The following EPS8 variants were observed in gnomAD, a reference collection of about 807,000 sequenced individuals.
EPS8 encodes the protein EGFR pathway substrate 8, signaling adaptor.
EPS8 carries 42 observed loss-of-function variants against 103.8 expected under a neutral mutation model. The ratio of observed to expected loss-of-function variants is 0.40; its 90% CI spans 0.32 to 0.52. The LOEUF (loss-of-function observed/expected upper bound fraction) is 0.52. Ranked by LOEUF, EPS8 falls within the 20% of genes least tolerant of loss-of-function variation. The pLI, the probability that EPS8 is intolerant of heterozygous loss-of-function variation, is 0.40. For missense variants in EPS8, 969 were observed against 1,005.1 expected, an observed-to-expected ratio of 0.96 and a Z score of 0.49; for synonymous variants, 344 against 344.6, an observed-to-expected ratio of 1.00 and a Z score of 0.02.
At chr12:15,783,982 C>T (rs1947285896) in intron 1 of EPS8, among the ~76,000 whole-genome samples, 1 of 151,952 alleles carries the variant, frequency 6.6e-6, no homozygotes, top group South Asian at 2.1e-4. Flanking sequence ...AATCTAGACA[C>T]AGACCTTATA....
Position 15,761,796 on chromosome 12 carries a change from A to T in EPS8, c.-22+27365T>A, listed in dbSNP as rs1947044469. Among the ~76,000 whole-genome samples, 1 of 152,194 alleles carries T rather than the reference A, an allele frequency of 6.6e-6. No homozygotes were observed. On this transcript the variant is annotated intron_variant, in intron 1 of 20. Transcript: ENST00000281172. The surrounding 1 kb of genome is among the most constrained non-coding windows in gnomAD (Gnocchi z 4.5). ...TCCAAAAATCAAAGCTAAATAGATTAAAGACTTCAATCTAAGACCTCAAAC... is the reference window on the plus strand; with the variant it reads ...TCCAAAAATCAAAGCTAAATAGATTTAAGACTTCAATCTAAGACCTCAAAC...
At chr12:15,746,062 G>A (rs1946872346) in intron 1 of EPS8, among the ~76,000 whole-genome samples, 1 of 152,068 alleles carries the variant, frequency 6.6e-6, no homozygotes, top group Non-Finnish European at 1.5e-5. Context: ...CATCAGGCCA[G>A]TATTGGTCTT....
chr12:15,697,188 G>A lies in EPS8; in HGVS notation c.-21-14216C>T, dbSNP rs1391165759. On this transcript the variant is annotated intron_variant, in intron 1 of 20. Transcript: ENST00000281172. The surrounding 1 kb of genome is among the most constrained non-coding windows in gnomAD (Gnocchi z 5.6). ...TAGACTGAAGAAGGGAAAACTTGAG[G>A]GACAAGCACAAACTGATTAAAATGT... Among the ~76,000 whole-genome samples, 2 of 151,990 alleles carry A rather than the reference G, an allele frequency of 1.3e-5. No individual in the cohort carries two copies. The highest frequency in any genetic ancestry group is 2.9e-5 in the Non-Finnish European group (2 of 67,992).
rs1375232131 is a variant in EPS8, at chr12:15,717,756, A to G, written c.-21-34784T>C. On this transcript the variant is annotated intron_variant, in intron 1 of 20. Transcript: ENST00000281172. This position sits in a 1 kb window ranked among gnomAD's most constrained non-coding sequence, Gnocchi z 4.3. ...GGCATTAGTAGTCTAAGTTAGGAAA[A>G]TATTGATTTGAGAAAAATGAACCGC... Among the ~76,000 whole-genome samples, 1 of 152,196 alleles carries G rather than the reference A, an allele frequency of 6.6e-6. No individual in the cohort carries two copies. The highest frequency in any genetic ancestry group is 1.5e-5 in the Non-Finnish European group (1 of 68,040).
rs1176259470 is a variant in EPS8, at chr12:15,780,803, A to T, written c.-22+8358T>A. Reference sequence around the variant, plus strand: ...CTGGCACAGAACAGATACTCAACAAACACTCGATAAAAGATGAATGAATAA... The same window carrying T: ...CTGGCACAGAACAGATACTCAACAATCACTCGATAAAAGATGAATGAATAA... On this transcript the variant is annotated intron_variant, in intron 1 of 20. Transcript: ENST00000281172. The surrounding 1 kb of genome is among the most constrained non-coding windows in gnomAD (Gnocchi z 4.1). 2 of 152,186 alleles carry T rather than the reference A, an allele frequency of 1.3e-5. No individual in the cohort carries two copies. The highest frequency in any genetic ancestry group is 2.9e-5 in the Non-Finnish European group (2 of 68,044). The allele number at this position is 152,186 out of a possible 1,614,324, so 9.4% of individuals were successfully genotyped here. A position where few individuals can be genotyped will look rare whatever the true frequency, so the allele number is the denominator to read the frequency against.
chr12:15,740,262 G>A (rs112160657), intron 1 of EPS8, among the ~76,000 whole-genome samples: 6 of 152,164 alleles, frequency 3.9e-5, no homozygotes, highest in Middle Eastern at 3.4e-3. Flanking sequence ...TGGGAAATTC[G>A]TAGGCTGGGA....
At position 15,752,959 on chromosome 12, in the gene EPS8, G is replaced by A. The variant is rs1291874164; in HGVS notation, c.-22+36202C>T. Among the ~76,000 whole-genome samples, 2 of 151,550 alleles carry A rather than the reference G, an allele frequency of 1.3e-5. No individual in the cohort carries two copies. The highest frequency in any genetic ancestry group is 4.9e-5 in the African/African-American group (2 of 41,192). On this transcript the variant is annotated intron_variant, in intron 1 of 20. Transcript: ENST00000281172. This position sits in a 1 kb window ranked among gnomAD's most constrained non-coding sequence, Gnocchi z 4.4. ...CATTTCAGTTACATTATGGTAAAAGGGGCAATTGTGGGATAACCATCATTT... is the reference window on the plus strand; with the variant it reads ...CATTTCAGTTACATTATGGTAAAAGAGGCAATTGTGGGATAACCATCATTT...
Position 15,771,985 on chromosome 12 carries a change from A to C in EPS8, c.-22+17176T>G, listed in dbSNP as rs2417479. 9.9e-5 allele frequency among the ~76,000 whole-genome samples: 15 copies of C among 152,014 alleles called. No individual in the cohort carries two copies. The highest frequency in any genetic ancestry group is 3.1e-4 in the African/African-American group (13 of 41,420). ...TAAAAATACAAAAAATTAGCAGGGC[A>C]TAGTGGCGGGCGCCCGTAGTCTTCA... is the stretch of plus-strand genomic sequence containing the variant. On this transcript the variant is annotated intron_variant, in intron 1 of 20. Coordinates refer to ENST00000281172, the MANE Select transcript of EPS8 (RefSeq NM_004447.6). The surrounding 1 kb of genome is among the most constrained non-coding windows in gnomAD (Gnocchi z 4.6).
At chr12:15,666,975 C>T (rs945409566) in intron 6 of EPS8, among the ~76,000 whole-genome samples, 1 of 152,194 alleles carries the variant, frequency 6.6e-6, no homozygotes, top group Non-Finnish European at 1.5e-5. Context: ...AAGATAAACT[C>T]CAACGCTAGG....
chr12:15,654,551 A>G, intron 12 of EPS8: 2 of 455,976 alleles, frequency 4.4e-6, no homozygotes, highest in East Asian at 4.4e-5. Context: ...ATATGACTAT[A>G]GTTTCTCTGG....
At chr12:15,624,158 T>C in intron 19 of EPS8, 69 bp downstream of exon 19, 1 of 1,294,340 alleles carries the variant, frequency 7.7e-7, no homozygotes, top group Non-Finnish European at 1.1e-6. Flanking sequence ...CTGTGACATC[T>C]AACTAAGCAA....
In EPS8 at chr12:15,738,866, C is replaced by T. The variant is rs1468097828; in HGVS notation, c.-22+50295G>A. On this transcript the variant is annotated intron_variant, in intron 1 of 20. Coordinates refer to ENST00000281172, the MANE Select transcript of EPS8 (RefSeq NM_004447.6). The surrounding 1 kb of genome is among the most constrained non-coding windows in gnomAD (Gnocchi z 6.2). ...AAGGACCTCAGATTAAATCATTAAGCGTGCCACGTTAAACAGTCCATGGTG... is the reference window on the plus strand; with the variant it reads ...AAGGACCTCAGATTAAATCATTAAGTGTGCCACGTTAAACAGTCCATGGTG... 2.0e-5 allele frequency among the ~76,000 whole-genome samples: 3 copies of T among 152,088 alleles called. No homozygotes were observed. The highest frequency in any genetic ancestry group is 2.9e-5 in the Non-Finnish European group (2 of 68,008).
Position 15,650,819 on chromosome 12 carries a change from C to G in EPS8, c.1434+4G>C. The G allele has an allele frequency of 6.2e-7, 1 of 1,608,348 alleles. No homozygotes were observed. Among genetic ancestry groups the G allele is most frequent in the South Asian group, 1.1e-5 (1 of 90,456 alleles). On this transcript the variant is annotated splice_donor_region_variant and intron_variant, in intron 14 of 20. Transcript: ENST00000281172. ...ACAGAGGGCAATGTTAAAAAAAAAA[C>G]TACCTCTGTGGATAATCTTTTTATT...
intron 1 of EPS8, among the ~76,000 whole-genome samples, chr12:15,723,840 A>G (rs1039562845): frequency 1.3e-5 from 2 of 152,180 alleles, no homozygotes; most frequent in Non-Finnish European, 2.9e-5. Context: ...GATGAAGTTT[A>G]CCCACTAACC....
intron 1 of EPS8, among the ~76,000 whole-genome samples, chr12:15,742,288 C>T (rs1176171460): frequency 2.6e-5 from 4 of 152,212 alleles, no homozygotes; most frequent in Admixed American, 2.6e-4. Flanking sequence ...GGAATTGCCA[C>T]ACTGTCTTCC....
At position 15,727,777 on chromosome 12, in the gene EPS8, G is replaced by T. The variant is rs188266017; in HGVS notation, c.-21-44805C>A. ...GGAGGCTGAGGCAGGAGAATCACTCGAACCTGGGAGGTGGAGGTTGCAGTG... is the reference window on the plus strand; with the variant it reads ...GGAGGCTGAGGCAGGAGAATCACTCTAACCTGGGAGGTGGAGGTTGCAGTG... On this transcript the variant is annotated intron_variant, in intron 1 of 20. Coordinates refer to ENST00000281172, the MANE Select transcript of EPS8 (RefSeq NM_004447.6). The surrounding 1 kb of genome is among the most constrained non-coding windows in gnomAD (Gnocchi z 4.3). Among the ~76,000 whole-genome samples the T allele has an allele frequency of 5.3e-5, 8 of 152,100 alleles. No homozygotes were observed. Among genetic ancestry groups the T allele is most frequent in the African/African-American group, 1.9e-4 (8 of 41,512 alleles).
chr12:15,743,491 AC>A (rs1394762118), intron 1 of EPS8, among the ~76,000 whole-genome samples: 1 of 152,224 alleles, frequency 6.6e-6, no homozygotes, highest in Non-Finnish European at 1.5e-5. Flanking sequence ...CTGGAGGCTC[AC>A]GCTACCTGAC....
intron 1 of EPS8, among the ~76,000 whole-genome samples, chr12:15,754,535 A>T (rs558869109): frequency 3.9e-5 from 6 of 152,336 alleles, no homozygotes; most frequent in African/African-American, 1.4e-4. Flanking sequence ...GAATAAGTGA[A>T]TAGCTATTCA....
rs1188836104 is a variant in EPS8 at position 15,727,025 on chromosome 12, A to G, written c.-21-44053T>C. On this transcript the variant is annotated intron_variant, in intron 1 of 20. Transcript: ENST00000281172. This position sits in a 1 kb window ranked among gnomAD's most constrained non-coding sequence, Gnocchi z 4.3. ...ACAACTTAGATTTCAATTGTTAAACAGTTAAGAATGACTACAGTTCAGTGA... is the reference window on the plus strand; with the variant it reads ...ACAACTTAGATTTCAATTGTTAAACGGTTAAGAATGACTACAGTTCAGTGA... Among the ~76,000 whole-genome samples the G allele has an allele frequency of 3.9e-5, 6 of 152,230 alleles. No individual in the cohort carries two copies. Among genetic ancestry groups the G allele is most frequent in the Non-Finnish European group, 7.3e-5 (5 of 68,038 alleles).
Sources: gnomAD v4.1 joint callset for allele counts (sites outside exome capture counted in the v4.1 genomes callset) on GRCh38, gnomAD v4.1.1 for gene constraint, Gnocchi (gnomAD v3.1) non-coding constraint, MANE v1.5 for transcripts, NCBI Gene and HGNC (gene_info 2026-07-23, HGNC 2026-07-21) for gene names.